Variants in SPOP observed in about 807,000 individuals in gnomAD.
SPOP encodes speckle-type POZ protein.
SPOP carries 11 observed loss-of-function variants against 45.6 expected under a neutral mutation model. The observed-to-expected ratio is 0.24, with a 90% CI of 0.15 to 0.40. The LOEUF (loss-of-function observed/expected upper bound fraction) is 0.40. Among genes scored for constraint, SPOP ranks in the 10% least tolerant of loss-of-function variants. The pLI is 1.00. For synonymous variants in SPOP, 166 were observed against 166.3 expected (o/e 1.00, Z 0.01); for missense variants, 152 against 465.6 (o/e 0.33, Z 6.20).
intron 8 of SPOP, among the ~76,000 whole-genome samples, chr17:49,606,481 CTTGTTTCTTTTTTCT>C (rs1434595372): frequency 1.5e-5 from 2 of 134,626 alleles, no homozygotes; most frequent in African/African-American, 6.2e-5. Context: ...CCTGTTTTTT[CTTGTTTCTTTTTTCT>C]TTTTTTTTTT....
Position 49,612,528 on chromosome 17 carries a change from C to G in SPOP, c.481-1071G>C, listed in dbSNP as rs536802557. ...CTTCCCACTATGGCTTCAGCAGAAG[C>G]ATGTTTTAACCAGTTCAGCCTAGGT... On this transcript the variant is annotated intron_variant, in intron 5 of 9. Coordinates refer to ENST00000504102, the MANE Select transcript of SPOP (RefSeq NM_001007228.2). Among the ~76,000 whole-genome samples the G allele has an allele frequency of 2.8e-4, 42 of 152,366 alleles. 1 individual carries two copies. In the East Asian group the frequency reaches 7.1e-3, roughly 26 times the overall value.
At chr17:49,629,496 A>G (rs1441102727) in intron 1 of SPOP, among the ~76,000 whole-genome samples, 1 of 152,214 alleles carries the variant, frequency 6.6e-6, no homozygotes, top group Non-Finnish European at 1.5e-5. Context: ...TATCAAGTAT[A>G]TATTTATTCT....
chr17:49,636,472 T>C (rs569773572), intron 1 of SPOP, among the ~76,000 whole-genome samples: 9 of 152,380 alleles, frequency 5.9e-5, no homozygotes, highest in Non-Finnish European at 1.3e-4. Context: ...TAAATAGTTC[T>C]GGCTTACTCC....
intron 1 of SPOP, among the ~76,000 whole-genome samples, chr17:49,644,542 A>G (rs1465584495): frequency 6.6e-6 from 1 of 152,182 alleles, no homozygotes; most frequent in African/African-American, 2.4e-5. Flanking sequence ...TCTGTAATGT[A>G]ATGGGGGGTA....
intron 1 of SPOP, among the ~76,000 whole-genome samples, chr17:49,654,031 G>A (rs1206099916): frequency 1.3e-5 from 2 of 152,128 alleles, no homozygotes; most frequent in African/African-American, 4.8e-5. Flanking sequence ...AGATCAGGAT[G>A]TGAATTTAAA....
In SPOP at chr17:49,644,185, G is replaced by T. The variant is rs1011427898; in HGVS notation, c.-66-21309C>A. The stretch of plus-strand genomic sequence containing the variant: ...GTTCAAGACCAGCCTAGGCAACATA[G>T]TGAGACCCTGTCTCTAAAAAATTAA... On this transcript the variant is annotated intron_variant, in intron 1 of 9. Transcript: ENST00000504102. Among the ~76,000 whole-genome samples, 18 of 152,126 alleles carry T rather than the reference G, an allele frequency of 1.2e-4. 1 individual carries two copies. Among genetic ancestry groups the T allele is most frequent in the African/African-American group, 4.3e-4 (18 of 41,430 alleles).
chr17:49,654,560 G>A (rs987195704), intron 1 of SPOP, among the ~76,000 whole-genome samples: 10 of 152,124 alleles, frequency 6.6e-5, no homozygotes, highest in African/African-American at 2.2e-4. Context: ...CGAGGCCAGC[G>A]GATTGCCTGA....
chr17:49,621,462 T>C (rs982875684), intron 3 of SPOP, among the ~76,000 whole-genome samples: 21 of 152,114 alleles, frequency 1.4e-4, no homozygotes, highest in African/African-American at 4.1e-4. Flanking sequence ...AGCAAATAAA[T>C]CCCCTTTCTT....
intron 5 of SPOP, chr17:49,618,658 T>C (rs994560453): frequency 2.2e-6 from 1 of 457,358 alleles, no homozygotes; most frequent in African/African-American, 2.0e-5. Flanking sequence ...TACACATATT[T>C]AGCTTGATGT....
At chr17:49,636,104 T>C (rs191603889) in intron 1 of SPOP, 5 of 152,364 alleles carry the variant, frequency 3.3e-5, no homozygotes, top group Admixed American at 2.6e-4. Context: ...GCTCAAATTA[T>C]CCGCCACCTC....
At position 49,618,673 on chromosome 17, in the gene SPOP, G is replaced by A. The variant is rs914804876; in HGVS notation, c.480+308C>T. 6.5e-6 allele frequency: 3 copies of A among 460,536 alleles called. No homozygotes were observed. In the East Asian group the frequency reaches 1.6e-4, roughly 25 times the overall value. 28.5% of individuals were successfully genotyped at this position (460,536 alleles called of 1,614,324 possible). A position where few individuals can be genotyped will look rare whatever the true frequency, so the allele number is the denominator to read the frequency against. Reference sequence around the variant, plus strand: ...TACACATATTTAGCTTGATGTGACAGTCCTTTCAAATGCTATCTGAAAAAA... The same window carrying A: ...TACACATATTTAGCTTGATGTGACAATCCTTTCAAATGCTATCTGAAAAAA... On this transcript the variant is annotated intron_variant, in intron 5 of 9. Coordinates refer to ENST00000504102, the MANE Select transcript of SPOP (RefSeq NM_001007228.2).
In SPOP at chr17:49,599,517, TG is replaced by T. The variant is rs11316512; in HGVS notation, c.*860del. On this transcript the variant is annotated 3_prime_UTR_variant, in exon 10 of 10. Coordinates refer to ENST00000504102, the MANE Select transcript of SPOP (RefSeq NM_001007228.2). ...TTTTTGTTTTGTGTGTTTTTTTTTT[TG>T]TTTGTTTTTTAGAAAAAGGGGTGGG... The T allele has an allele frequency of 0.15, 31,666 of 209,104 alleles. 2,155 individuals are homozygous for T. The highest frequency in any genetic ancestry group is 0.25 in the East Asian group (3,373 of 13,732). The allele number at this position is 209,104 out of a possible 1,614,324, so 13.0% of individuals were successfully genotyped here. A position where few individuals can be genotyped will look rare whatever the true frequency, so the allele number is the denominator to read the frequency against.
chr17:49,656,251 AAAAT>A, intron 1 of SPOP, among the ~76,000 whole-genome samples: 1 of 152,374 alleles, frequency 6.6e-6, no homozygotes, highest in South Asian at 2.1e-4. Context: ...ACTACAAAGT[AAAAT>A]AAATATTTAA....
intron 5 of SPOP, among the ~76,000 whole-genome samples, chr17:49,617,923 C>CAAAAA (rs907445153): frequency 5.4e-5 from 3 of 55,838 alleles, no homozygotes; most frequent in African/African-American, 1.3e-4. Context: ...GACTCCGTCT[C>CAAAAA]AAAAAAAAAA....
chr17:49,651,448 C>T (rs946838486), intron 1 of SPOP, among the ~76,000 whole-genome samples: 9 of 152,176 alleles, frequency 5.9e-5, no homozygotes, highest in African/African-American at 1.7e-4. Flanking sequence ...AACTGGATTC[C>T]TCCTAAGGAT....
At chr17:49,605,167 T>C (rs984218505) in intron 8 of SPOP, among the ~76,000 whole-genome samples, 1 of 152,246 alleles carries the variant, frequency 6.6e-6, no homozygotes, top group Admixed American at 6.5e-5. Flanking sequence ...CTTGAACACT[T>C]CTCAAATTGA....
chr17:49,667,434 C>A (rs898859354), intron 1 of SPOP, among the ~76,000 whole-genome samples: 1 of 150,518 alleles, frequency 6.6e-6, no homozygotes. Context: ...TACTAAAATA[C>A]GAAAATTAGC....
intron 6 of SPOP, among the ~76,000 whole-genome samples, chr17:49,610,524 T>TC (rs2071949762): frequency 1.3e-5 from 2 of 152,198 alleles, no homozygotes; most frequent in African/African-American, 4.8e-5. Context: ...CGTGACTTCC[T>TC]TGAGTATTAC....
chr17:49,674,691 C>CAGAG (rs2073178219), intron 1 of SPOP, among the ~76,000 whole-genome samples: 1 of 152,126 alleles, frequency 6.6e-6, no homozygotes, highest in African/African-American at 2.4e-5. Flanking sequence ...AATTTAAAGT[C>CAGAG]AGAGCTATCA....
Sources: gnomAD v4.1 joint callset for allele counts (sites outside exome capture counted in the v4.1 genomes callset) on GRCh38, gnomAD v4.1.1 for gene constraint, MANE v1.5 for transcripts, NCBI Gene and HGNC (gene_info 2026-07-23, HGNC 2026-07-21) for gene names.